The following GAS7 variants were observed in gnomAD, a reference collection of about 807,000 sequenced individuals.
GAS7 encodes growth arrest specific 7, also known as growth arrest-specific protein 7.
Under a neutral mutation model 71.1 loss-of-function variants are expected in GAS7, and 28 were observed. That is an observed-to-expected ratio of 0.39 (90% CI 0.29 to 0.54). GAS7 has a LOEUF of 0.54. Among genes scored for constraint, GAS7 ranks in the 20% least tolerant of loss-of-function variants. GAS7 has a pLI of 0.62. For synonymous variants in GAS7, 258 were observed against 245.8 expected (o/e 1.05, Z -0.46); for missense variants, 436 against 627.8 (o/e 0.69, Z 3.27).
intron 4 of GAS7, among the ~76,000 whole-genome samples, chr17:9,961,899 T>C (rs754027179): frequency 1.3e-5 from 2 of 152,230 alleles, no homozygotes; most frequent in Non-Finnish European, 2.9e-5. Context: ...GACAATATTT[T>C]GTTTTCCATG....
At chr17:10,109,828 G>T (rs1456928487) in intron 1 of GAS7, among the ~76,000 whole-genome samples, 2 of 152,142 alleles carry the variant, frequency 1.3e-5, no homozygotes, top group Non-Finnish European at 2.9e-5. Flanking sequence ...GGCAGAGGCG[G>T]GTGGATCATG....
intron 1 of GAS7, among the ~76,000 whole-genome samples, chr17:10,097,540 C>G (rs1283154399): frequency 3.9e-5 from 6 of 152,238 alleles, no homozygotes; most frequent in African/African-American, 1.2e-4. Flanking sequence ...GCAGCTCTTG[C>G]AGGGCACAAG....
intron 1 of GAS7, among the ~76,000 whole-genome samples, chr17:10,166,295 T>C (rs1475541873): frequency 6.6e-6 from 1 of 152,222 alleles, no homozygotes; most frequent in African/African-American, 2.4e-5. Context: ...AGTGGTGAGA[T>C]TGCAGGCGTG....
intron 1 of GAS7, among the ~76,000 whole-genome samples, chr17:10,126,444 G>GCGCGCGCACACACA (rs2073949703): frequency 6.8e-6 from 1 of 148,098 alleles, no homozygotes; most frequent in Admixed American, 6.7e-5. Flanking sequence ...ATGCACACAC[G>GCGCGCGCACACACA]CGCGCGCGCA....
chr17:10,176,105 G>A (rs1407166688), intron 1 of GAS7, among the ~76,000 whole-genome samples: 1 of 152,220 alleles, frequency 6.6e-6, no homozygotes, highest in Non-Finnish European at 1.5e-5. Flanking sequence ...GAGCCTTAGA[G>A]GGGCTTAACT....
intron 5 of GAS7, among the ~76,000 whole-genome samples, chr17:9,955,017 G>A (rs1229133901): frequency 6.6e-6 from 1 of 152,204 alleles, no homozygotes; most frequent in Non-Finnish European, 1.5e-5. Flanking sequence ...TGAGGAAACT[G>A]AGACACAGAA....
intron 1 of GAS7, among the ~76,000 whole-genome samples, chr17:10,038,807 C>G (rs774817331): frequency 4.0e-5 from 6 of 150,102 alleles, no homozygotes; most frequent in Non-Finnish European, 7.4e-5. Context: ...TCAAGCGATT[C>G]TCCTGCTTCA....
chr17:9,947,810 TATG>T (rs2068849219), intron 5 of GAS7, among the ~76,000 whole-genome samples: 2 of 129,560 alleles, frequency 1.5e-5, no homozygotes, highest in African/African-American at 6.0e-5. Flanking sequence ...TGCCAGGATA[TATG>T]GTTAGGTGAA....
intron 2 of GAS7, among the ~76,000 whole-genome samples, chr17:10,004,711 T>C (rs994785780): frequency 1.2e-4 from 18 of 152,286 alleles, no homozygotes; most frequent in African/African-American, 4.3e-4. Context: ...TCCAACTTCA[T>C]TCATAAAATG....
chr17:9,940,940 T>C (rs990646675), intron 7 of GAS7, among the ~76,000 whole-genome samples: 2 of 152,194 alleles, frequency 1.3e-5, no homozygotes, highest in Non-Finnish European at 2.9e-5. Flanking sequence ...ACAGAAGAGC[T>C]ATGCTTATGC....
At chr17:9,991,118 A>C (rs1196787800) in intron 2 of GAS7, among the ~76,000 whole-genome samples, 1 of 152,180 alleles carries the variant, frequency 6.6e-6, no homozygotes, top group Non-Finnish European at 1.5e-5. Flanking sequence ...AAGACAAAAC[A>C]AAAAACTAAA....
At chr17:10,054,739 C>T (rs2073112609) in intron 1 of GAS7, among the ~76,000 whole-genome samples, 1 of 152,188 alleles carries the variant, frequency 6.6e-6, no homozygotes, top group African/African-American at 2.4e-5. Flanking sequence ...TTAGCCAGGA[C>T]CTCTTACACT....
At chr17:10,078,053 TTGTG>T (rs59380311) in intron 1 of GAS7, among the ~76,000 whole-genome samples, 119 of 146,426 alleles carry the variant, frequency 8.1e-4, no homozygotes, top group South Asian at 2.4e-3. Context: ...GTTTTTTCTG[TTGTG>T]TGTGTGTGTG....
intron 4 of GAS7, among the ~76,000 whole-genome samples, chr17:9,965,087 T>C (rs1025546534): frequency 1.3e-5 from 2 of 152,114 alleles, no homozygotes; most frequent in Non-Finnish European, 2.9e-5. Flanking sequence ...AGGGACCCAC[T>C]AGGACGCGAT....
intron 1 of GAS7, among the ~76,000 whole-genome samples, chr17:10,154,101 G>A (rs1259469933): frequency 1.3e-5 from 2 of 152,146 alleles, no homozygotes; most frequent in African/African-American, 4.8e-5. Flanking sequence ...AGAAAGGAAA[G>A]TAAAAATATG....
At chr17:10,126,562 G>A (rs1389810808) in intron 1 of GAS7, among the ~76,000 whole-genome samples, 1 of 143,854 alleles carries the variant, frequency 7.0e-6, no homozygotes, top group Non-Finnish European at 1.5e-5. Context: ...ACGCAGACAT[G>A]CACACACTCT....
intron 5 of GAS7, among the ~76,000 whole-genome samples, chr17:9,953,376 G>C (rs2069098499): frequency 6.6e-6 from 1 of 152,204 alleles, no homozygotes. Context: ...GCCTGCCACT[G>C]TCTCTGTCCT....
At chr17:10,154,832 C>T (rs1307862063) in intron 1 of GAS7, among the ~76,000 whole-genome samples, 2 of 151,768 alleles carry the variant, frequency 1.3e-5, no homozygotes, top group African/African-American at 2.4e-5. Context: ...GTGCTCACTG[C>T]ACTGTGTTCA....
intron 1 of GAS7, among the ~76,000 whole-genome samples, chr17:10,021,855 C>T (rs776988710): frequency 3.9e-5 from 6 of 152,114 alleles, no homozygotes; most frequent in African/African-American, 9.7e-5. Context: ...CGTGTGCATG[C>T]GCGCGTGCAT....
Sources: gnomAD v4.1 joint callset for allele counts (sites outside exome capture counted in the v4.1 genomes callset) on GRCh38, gnomAD v4.1.1 for gene constraint, MANE v1.5 for transcripts, NCBI Gene and HGNC (gene_info 2026-07-23, HGNC 2026-07-21) for gene names.